Variants in RCL1 observed in about 807,000 individuals in gnomAD.
RCL1 encodes RNA terminal phosphate cyclase like 1, also known as RNA 3'-terminal phosphate cyclase-like protein.
Under a neutral mutation model 42.4 loss-of-function variants are expected in RCL1, and 24 were observed. The ratio of observed to expected loss-of-function variants is 0.57; its 90% confidence interval spans 0.41 to 0.80. RCL1 has a LOEUF of 0.80. Among genes scored for constraint, RCL1 ranks in the 30% least tolerant of loss-of-function variants. The probability of loss-of-function intolerance (pLI) is 0.00; values close to 1 mark genes in which losing one functional copy is unlikely to be tolerated. For synonymous variants in RCL1, 228 were observed against 177.3 expected, an observed-to-expected ratio of 1.29 and a Z score of -2.27; for missense variants, 578 against 467.9, an observed-to-expected ratio of 1.24 and a Z score of -2.17.
At chr9:4,819,604 T>G (rs1816514634) in intron 1 of RCL1, among the ~76,000 whole-genome samples, 1 of 152,104 alleles carries the variant, frequency 6.6e-6, no homozygotes. Context: ...GTCAGGAGAT[T>G]GAGACCATCC....
At chr9:4,849,393 C>G (rs745980289) in intron 7 of RCL1, 54 bp from the exon 8 acceptor site, 52 of 1,394,082 alleles carry the variant, frequency 3.7e-5, no homozygotes, top group Non-Finnish European at 4.9e-5. Context: ...TTCCTCCTCT[C>G]TTTTGTTGGC....
At chr9:4,859,922 G>A (rs563651883) in intron 8 of RCL1, among the ~76,000 whole-genome samples, 46 of 152,152 alleles carry the variant, frequency 3.0e-4, no homozygotes, top group Non-Finnish European at 5.7e-4. Flanking sequence ...TTGCTGTATT[G>A]CGTGTATCTC....
intron 8 of RCL1, among the ~76,000 whole-genome samples, chr9:4,850,770 C>G (rs547305821): frequency 2.6e-5 from 4 of 152,044 alleles, no homozygotes; most frequent in Admixed American, 1.3e-4. Context: ...GAATGGCACC[C>G]TAGGTACAGA....
At chr9:4,841,080 T>C (rs938720613) in intron 5 of RCL1, 152 bp from the exon 6 acceptor site, 10 of 731,244 alleles carry the variant, frequency 1.4e-5, no homozygotes, top group Non-Finnish European at 1.8e-5. Context: ...AAAATTTAAT[T>C]ATGGTACTAA....
rs147779950 is a variant in RCL1 at position 4,816,599 on chromosome 9, C to T, written c.137-6949C>T. Among the ~76,000 whole-genome samples, 83 of 151,954 alleles carry T rather than the reference C, an allele frequency of 5.5e-4. 1 individual carries two copies. The highest frequency in any genetic ancestry group is 3.1e-3 in the South Asian group (15 of 4,816). ...GTTGTTGTTTTCCTTGTGCTTTATC[C>T]GCAGCCCTTTTTGGGATGCATCTTT... On this transcript the variant is annotated intron_variant, in intron 1 of 8. Transcript: ENST00000381750.
chr9:4,793,032 C>A lies in RCL1; in HGVS notation c.-60C>A. On this transcript the variant is annotated 5_prime_UTR_variant, in exon 1 of 9. Coordinates refer to ENST00000381750, the MANE Select transcript of RCL1 (RefSeq NM_005772.5). Reference sequence around the variant, plus strand: ...CACCACCACCATCGGAGTCACGAGTCCCGCGTCTGTCCGAAGTCGCCGCTC... The same window carrying A: ...CACCACCACCATCGGAGTCACGAGTACCGCGTCTGTCCGAAGTCGCCGCTC... The A allele has an allele frequency of 1.3e-6, 2 of 1,551,988 alleles. No homozygotes were observed. The highest frequency in any genetic ancestry group is 1.2e-5 in the South Asian group (1 of 84,926).
intron 3 of RCL1, among the ~76,000 whole-genome samples, chr9:4,827,999 A>C (rs987080923): frequency 6.6e-5 from 10 of 152,058 alleles, no homozygotes; most frequent in Non-Finnish European, 1.2e-4. Context: ...AGCCTGGCTA[A>C]CACAGTGAAA....
chr9:4,795,901 A>G (rs373969540), intron 1 of RCL1, among the ~76,000 whole-genome samples: 1 of 152,168 alleles, frequency 6.6e-6, no homozygotes, highest in Non-Finnish European at 1.5e-5. Context: ...TGTAAGTAGG[A>G]TGTTACTAAG....
chr9:4,832,362 G>T (rs1041444339), intron 3 of RCL1, among the ~76,000 whole-genome samples: 3 of 152,164 alleles, frequency 2.0e-5, no homozygotes, highest in African/African-American at 7.2e-5. Context: ...CCTGTGTGGT[G>T]CTCATCATTG....
At chr9:4,810,496 G>T (rs1226823869) in intron 1 of RCL1, among the ~76,000 whole-genome samples, 1 of 152,122 alleles carries the variant, frequency 6.6e-6, no homozygotes, top group East Asian at 1.9e-4. Context: ...ATATCTCCGT[G>T]TTGTAGCAGC....
chr9:4,832,557 T>C (rs1213484699), intron 3 of RCL1, among the ~76,000 whole-genome samples: 1 of 152,080 alleles, frequency 6.6e-6, no homozygotes, highest in African/African-American at 2.4e-5. Context: ...ACACCTGTTA[T>C]CCCAGCACTT....
At chr9:4,857,307 G>C (rs1328024305) in intron 8 of RCL1, among the ~76,000 whole-genome samples, 1 of 152,170 alleles carries the variant, frequency 6.6e-6, no homozygotes, top group Non-Finnish European at 1.5e-5. Flanking sequence ...TTCTGCCTCT[G>C]TGATAGATTT....
At chr9:4,819,970 C>T (rs189892954) in intron 1 of RCL1, among the ~76,000 whole-genome samples, 34 of 152,210 alleles carry the variant, frequency 2.2e-4, no homozygotes, top group African/African-American at 7.2e-4. Context: ...TTTGTGACCC[C>T]CCCATCCACA....
chr9:4,835,254 CA>C (rs1817084609), intron 5 of RCL1, among the ~76,000 whole-genome samples: 1 of 152,032 alleles, frequency 6.6e-6, no homozygotes, highest in Non-Finnish European at 1.5e-5. Context: ...GTGAGGCCAC[CA>C]AAACTTGAAA....
At chr9:4,805,533 A>G (rs1303690389) in intron 1 of RCL1, among the ~76,000 whole-genome samples, 1 of 152,250 alleles carries the variant, frequency 6.6e-6, no homozygotes, top group Non-Finnish European at 1.5e-5. Flanking sequence ...AAAAGTTTTT[A>G]GAAAACTAAA....
intron 1 of RCL1, among the ~76,000 whole-genome samples, chr9:4,818,808 G>T (rs565914781): frequency 1.3e-4 from 19 of 151,314 alleles, no homozygotes; most frequent in Admixed American, 1.3e-3. Context: ...GGAGGCGGAG[G>T]TTGTAGTGAG....
chr9:4,827,109 C>A (rs189851372), intron 3 of RCL1, 76 bp downstream of exon 3: 187 of 1,597,366 alleles, frequency 1.2e-4, no homozygotes, highest in Admixed American at 1.8e-5. Context: ...GAAAAAAGTT[C>A]CTTATAAGGC....
At chr9:4,842,361 G>T (rs1817361138) in intron 6 of RCL1, among the ~76,000 whole-genome samples, 1 of 152,154 alleles carries the variant, frequency 6.6e-6, no homozygotes, top group African/African-American at 2.4e-5. Context: ...AAGGAGGGGG[G>T]TGAGTGTTTT....
rs145826410 is a variant in RCL1, at chr9:4,801,159, G to A, written c.136+7932G>A. ...TCTTTTGTCCATTTCTAATAGGATTGTTTGTATTAACTGTTTTGTTTTGTT... is the reference window on the plus strand; with the variant it reads ...TCTTTTGTCCATTTCTAATAGGATTATTTGTATTAACTGTTTTGTTTTGTT... On this transcript the variant is annotated intron_variant, in intron 1 of 8. Transcript: ENST00000381750. Among the ~76,000 whole-genome samples the A allele has an allele frequency of 3.3e-3, 505 of 152,222 alleles. 1 individual carries two copies. The highest frequency in any genetic ancestry group is 0.01 in the African/African-American group (420 of 41,540).
Sources: gnomAD v4.1 joint callset for allele counts (sites outside exome capture counted in the v4.1 genomes callset) on GRCh38, gnomAD v4.1.1 for gene constraint, MANE v1.5 for transcripts, NCBI Gene and HGNC (gene_info 2026-07-23, HGNC 2026-07-21) for gene names.